CSF1: variants seen among roughly 807,000 people sequenced by gnomAD.
CSF1 encodes the protein colony stimulating factor 1.
CSF1 carries 9 observed loss-of-function variants against 48.9 expected under a neutral mutation model. The observed-to-expected ratio is 0.18, with a 90% CI of 0.11 to 0.32. The LOEUF is 0.32. CSF1 is among the 10% of genes least tolerant of loss of function. The pLI is 1.00. For missense variants in CSF1, 672 were observed against 697.9 expected (o/e 0.96, Z 0.42); for synonymous variants, 305 against 284.1 (o/e 1.07, Z -0.74).
At chr1:109,920,000 A>G (rs1222850358) in intron 4 of CSF1, among the ~76,000 whole-genome samples, 4 of 151,838 alleles carry the variant, frequency 2.6e-5, no homozygotes, top group African/African-American at 9.7e-5. Flanking sequence ...AGGAATCTGC[A>G]TCTTAAGCAG....
At chr1:109,924,276 G>A in intron 6 of CSF1, 86 bp downstream of exon 6, 1 of 1,236,938 alleles carries the variant, frequency 8.1e-7, no homozygotes, top group Non-Finnish European at 1.1e-6. Context: ...GGACAGCTTG[G>A]GTGCGGCCTG....
intron 5 of CSF1, chr1:109,922,205 G>A: frequency 2.3e-6 from 1 of 443,502 alleles, no homozygotes; most frequent in Non-Finnish European, 3.9e-6. Flanking sequence ...GTGTGTGCAT[G>A]CACACCTACA....
chr1:109,926,563 A>G (rs1280495409), intron 8 of CSF1: 3 of 151,730 alleles, frequency 2.0e-5, no homozygotes, highest in African/African-American at 4.8e-5. Flanking sequence ...CTGTGACCCT[A>G]TTGTTCCTCA....
intron 8 of CSF1, among the ~76,000 whole-genome samples, chr1:109,927,993 G>A (rs933601763): frequency 1.3e-5 from 2 of 152,206 alleles, no homozygotes; most frequent in Admixed American, 1.3e-4. Context: ...TCCCTCTAGA[G>A]CATGGGAATG....
chr1:109,921,733 A>G (rs1289250891), intron 4 of CSF1, 114 bp from the exon 5 acceptor site: 7 of 1,336,732 alleles, frequency 5.2e-6, no homozygotes, highest in Non-Finnish European at 7.0e-6. Flanking sequence ...GGAGCAAGGA[A>G]ACAAAAGGGA....
intron 1 of CSF1, among the ~76,000 whole-genome samples, chr1:109,911,332 G>C (rs1419033681): frequency 6.6e-6 from 1 of 152,200 alleles, no homozygotes; most frequent in Non-Finnish European, 1.5e-5. Flanking sequence ...GGAACACTGA[G>C]CCACCTGCAG....
At chr1:109,924,536 C>T (rs879172507) in intron 6 of CSF1, among the ~76,000 whole-genome samples, 2 of 151,950 alleles carry the variant, frequency 1.3e-5, no homozygotes, top group South Asian at 4.2e-4. Flanking sequence ...CTCTGCAGAG[C>T]CTGGGGCAGG....
Position 109,925,896 on chromosome 1 carries a change from C to A in CSF1, c.*13+694C>A, listed in dbSNP as rs368927590. Reference sequence around the variant, plus strand: ...GTCAGACTGGGAGAAACGTCTTCCTCATGCGAGGCAAAACTGGCTTCCCTG... The same window carrying A: ...GTCAGACTGGGAGAAACGTCTTCCTAATGCGAGGCAAAACTGGCTTCCCTG... On this transcript the variant is annotated intron_variant, in intron 8 of 8. Transcript: ENST00000329608. 6.1e-4 allele frequency among the ~76,000 whole-genome samples: 93 copies of A among 152,298 alleles called. No homozygotes were observed. In the South Asian group the frequency reaches 0.018, roughly 30 times the overall value.
intron 4 of CSF1, among the ~76,000 whole-genome samples, chr1:109,917,839 C>G (rs1193634336): frequency 6.6e-6 from 1 of 152,170 alleles, no homozygotes; most frequent in Non-Finnish European, 1.5e-5. Context: ...CACCAGGAAA[C>G]AGCTGTGATG....
chr1:109,918,521 C>G lies in CSF1; in HGVS notation c.396+1058C>G, dbSNP rs555143156. ...ATTGGCGGCTTGGACCAAGGTGGGA[C>G]AGTGAAGGTGGAGGCAAGTGGACTG... On this transcript the variant is annotated intron_variant, in intron 4 of 8. Coordinates refer to ENST00000329608, the MANE Select transcript of CSF1 (RefSeq NM_000757.6). Among the ~76,000 whole-genome samples the G allele has an allele frequency of 2.2e-3, 340 of 152,212 alleles. 1 individual carries two copies. Among genetic ancestry groups the G allele is most frequent in the Non-Finnish European group, 3.9e-3 (267 of 68,012 alleles).
At position 109,911,680 on chromosome 1, in the gene CSF1, C is replaced by T. The variant is rs1654694212; in HGVS notation, c.39+618C>T. On this transcript the variant is annotated intron_variant, in intron 1 of 8. Coordinates refer to ENST00000329608, the MANE Select transcript of CSF1 (RefSeq NM_000757.6). ...GACGGCAACAGCCGGCAAACAGCCC[C>T]CCACCCCCGGGGCTGCTTGGGGCTA... 4.6e-5 allele frequency among the ~76,000 whole-genome samples: 7 copies of T among 152,190 alleles called. No homozygotes were observed. The South Asian group carries it at 1.4e-3, about 32-fold the overall frequency.
intron 3 of CSF1, among the ~76,000 whole-genome samples, chr1:109,916,793 G>A (rs1023985645): frequency 1.3e-5 from 2 of 152,184 alleles, no homozygotes; most frequent in South Asian, 2.1e-4. Context: ...ACTAGATGCT[G>A]GGGGTAGAGA....
rs887681618 is a variant in CSF1, at chr1:109,930,900, T to A, written c.*2062T>A. The A allele has an allele frequency of 6.6e-6, 1 of 152,128 alleles. No individual in the cohort carries two copies. The highest frequency in any genetic ancestry group is 2.1e-4 in the South Asian group (1 of 4,826). The allele number at this position is 152,128 out of a possible 1,614,324, so 9.4% of individuals were successfully genotyped here. ...GAGATTTTGTTTTTATACTTGGAAGTGGTGAATTATTTTATATAAAGTCAT... is the reference window on the plus strand; with the variant it reads ...GAGATTTTGTTTTTATACTTGGAAGAGGTGAATTATTTTATATAAAGTCAT... On this transcript the variant is annotated 3_prime_UTR_variant, in exon 9 of 9. Coordinates refer to ENST00000329608, the MANE Select transcript of CSF1 (RefSeq NM_000757.6).
intron 8 of CSF1, among the ~76,000 whole-genome samples, chr1:109,928,189 G>A (rs1373681235): frequency 1.3e-5 from 2 of 152,204 alleles, no homozygotes; most frequent in South Asian, 2.1e-4. Context: ...GGTGGAAGGC[G>A]AGAGGACAAG....
intron 6 of CSF1, 59 bp downstream of exon 6, chr1:109,924,249 C>T (rs886224538): frequency 2.9e-5 from 42 of 1,457,988 alleles, no homozygotes; most frequent in South Asian, 4.0e-5. Context: ...CAGAGCCTGG[C>T]GGGGGTGCAG....
At chr1:109,916,723 GCACT>G (rs1448252380) in intron 3 of CSF1, among the ~76,000 whole-genome samples, 1 of 152,150 alleles carries the variant, frequency 6.6e-6, no homozygotes, top group Admixed American at 6.5e-5. Context: ...AGTATTTTAT[GCACT>G]CACTCGCTTG....
At chr1:109,917,539 C>T (rs1393870797) in intron 4 of CSF1, 76 bp downstream of exon 4, 9 of 1,433,334 alleles carry the variant, frequency 6.3e-6, no homozygotes, top group African/African-American at 5.7e-5. Context: ...TCCACAGGCA[C>T]AGAGTACATT....
chr1:109,911,145 G>C, intron 1 of CSF1, 83 bp downstream of exon 1: 1 of 882,262 alleles, frequency 1.1e-6, no homozygotes, highest in South Asian at 5.1e-5. Context: ...GCCCCTCGGA[G>C]CCGACAGCCT....
intron 2 of CSF1, among the ~76,000 whole-genome samples, chr1:109,914,646 G>A (rs938742232): frequency 1.3e-5 from 2 of 152,252 alleles, no homozygotes; most frequent in Non-Finnish European, 2.9e-5. Context: ...CTGGGTTAGT[G>A]ATTGCCCAGG....
Sources: allele counts gnomAD v4.1 joint callset (sites outside exome capture counted in the v4.1 genomes callset), GRCh38; gene constraint gnomAD v4.1.1; transcripts MANE v1.5; gene names NCBI Gene and HGNC (gene_info 2026-07-23, HGNC 2026-07-21).